The following HEPHL1 variants were observed in gnomAD, a reference collection of about 807,000 sequenced individuals.
The protein encoded by HEPHL1 is ferroxidase HEPHL1.
In HEPHL1, 123 loss-of-function variants were observed where a neutral mutation model predicts 122.0. The ratio of observed to expected loss-of-function variants is 1.01; its 90% CI spans 0.87 to 1.17. The LOEUF (loss-of-function observed/expected upper bound fraction) is 1.17, where lower values mean the gene tolerates loss of function less well. HEPHL1 is among the 50% of genes most tolerant of loss of function. The pLI is 0.00. For missense variants in HEPHL1, 1,452 were observed against 1,430.5 expected, an observed-to-expected ratio of 1.01 and a Z score of -0.24; for synonymous variants, 527 against 508.9, an observed-to-expected ratio of 1.04 and a Z score of -0.48.
chr11:94,098,054 C>G (rs1395985754), intron 13 of HEPHL1, among the ~76,000 whole-genome samples: 1 of 152,188 alleles, frequency 6.6e-6, no homozygotes, highest in Non-Finnish European at 1.5e-5. Context: ...TTGATCCTGT[C>G]ATTATGATGT....
chr11:94,112,020 C>T lies in HEPHL1; in HGVS notation c.*126C>T. On this transcript the variant is annotated 3_prime_UTR_variant, in exon 20 of 20. Coordinates refer to ENST00000315765, the MANE Select transcript of HEPHL1 (RefSeq NM_001098672.2). ...TGACACTGTATCCTGGATCAGCCTTCTGATCCTCTCAAACATCATCCAAAG... is the reference window on the plus strand; with the variant it reads ...TGACACTGTATCCTGGATCAGCCTTTTGATCCTCTCAAACATCATCCAAAG... 1 of 593,716 alleles carries T rather than the reference C, an allele frequency of 1.7e-6. No homozygotes were observed. Among genetic ancestry groups the T allele is most frequent in the Non-Finnish European group, 2.8e-6 (1 of 357,594 alleles). 36.8% of individuals were successfully genotyped at this position (593,716 alleles called of 1,614,324 possible).
chr11:94,072,918 A>G (rs1565354876), intron 6 of HEPHL1, 107 bp from the exon 7 acceptor site: 2 of 1,006,032 alleles, frequency 2.0e-6, no homozygotes, highest in Non-Finnish European at 3.0e-6. Context: ...TTTTCTGGGG[A>G]CATGGGTGGG....
chr11:94,110,011 G>C (rs1413742863), intron 17 of HEPHL1, among the ~76,000 whole-genome samples: 1 of 152,150 alleles, frequency 6.6e-6, no homozygotes, highest in Non-Finnish European at 1.5e-5. Flanking sequence ...AATAGATATA[G>C]TGCTATCCAG....
intron 12 of HEPHL1, 53 bp from the exon 13 acceptor site, chr11:94,093,448 C>G (rs1946278343): frequency 6.2e-7 from 1 of 1,606,476 alleles, no homozygotes. Flanking sequence ...TAGAAGCGCT[C>G]AAAGCTTTTC....
chr11:94,044,354 C>T (rs1031771270), intron 1 of HEPHL1, among the ~76,000 whole-genome samples: 1 of 152,190 alleles, frequency 6.6e-6, no homozygotes, highest in Non-Finnish European at 1.5e-5. Context: ...AACAGTGTCT[C>T]TGCCCCTCAA....
intron 13 of HEPHL1, among the ~76,000 whole-genome samples, chr11:94,098,020 A>C (rs1946333310): frequency 6.6e-6 from 1 of 152,136 alleles, no homozygotes; most frequent in Non-Finnish European, 1.5e-5. Flanking sequence ...TTTACATTTA[A>C]GGTTAATATT....
chr11:94,064,318 A>G lies in HEPHL1; in HGVS notation c.629-13A>G. 2 of 1,596,508 alleles carry G rather than the reference A, an allele frequency of 1.3e-6. No individual in the cohort carries two copies. The highest frequency in any genetic ancestry group is 1.7e-6 in the Non-Finnish European group (2 of 1,168,122). ...TAGTTCTTTCTCTCTACTCTTTTGA[A>G]TGTGCCTGACAGGTATCCTGAATAG... On this transcript the variant is annotated splice_polypyrimidine_tract_variant and intron_variant, in intron 3 of 19. Coordinates refer to ENST00000315765, the MANE Select transcript of HEPHL1 (RefSeq NM_001098672.2).
At chr11:94,026,405 A>G (rs1945625558) in intron 1 of HEPHL1, among the ~76,000 whole-genome samples, 1 of 152,292 alleles carries the variant, frequency 6.6e-6, no homozygotes, top group East Asian at 1.9e-4. Context: ...CTCTGACACT[A>G]AGAAAGAAGG....
intron 2 of HEPHL1, among the ~76,000 whole-genome samples, chr11:94,060,282 CAT>C (rs1565351742): frequency 6.6e-6 from 1 of 151,290 alleles, no homozygotes; most frequent in Admixed American, 6.6e-5. Flanking sequence ...CATATGCACA[CAT>C]GATATATATA....
At chr11:94,094,230 T>C (rs1394711197) in intron 13 of HEPHL1, among the ~76,000 whole-genome samples, 1 of 151,736 alleles carries the variant, frequency 6.6e-6, no homozygotes, top group Non-Finnish European at 1.5e-5. Flanking sequence ...TTTCCATCTA[T>C]GAGTGAGAAC....
At chr11:94,055,693 A>G in intron 2 of HEPHL1, 1 of 389,156 alleles carries the variant, frequency 2.6e-6, no homozygotes, top group Non-Finnish European at 5.0e-6. Context: ...CTGGAAGACA[A>G]TGCACTCTGT....
intron 2 of HEPHL1, among the ~76,000 whole-genome samples, chr11:94,057,147 A>C (rs1324871909): frequency 6.6e-6 from 1 of 152,046 alleles, no homozygotes; most frequent in Non-Finnish European, 1.5e-5. Flanking sequence ...CTTGTACGTG[A>C]TAGGTCATTT....
chr11:94,094,261 T>C (rs1279199543), intron 13 of HEPHL1, among the ~76,000 whole-genome samples: 2 of 151,884 alleles, frequency 1.3e-5, no homozygotes, highest in Non-Finnish European at 2.9e-5. Flanking sequence ...TGGTTTTTTG[T>C]CCTTGCGATA....
At chr11:94,037,973 A>G (rs1004616184) in intron 1 of HEPHL1, among the ~76,000 whole-genome samples, 16 of 149,102 alleles carry the variant, frequency 1.1e-4, no homozygotes, top group Middle Eastern at 3.5e-3. Flanking sequence ...AAACTTTGAA[A>G]AAAATTTAGA....
At chr11:94,071,222 A>G (rs987708958) in intron 6 of HEPHL1, among the ~76,000 whole-genome samples, 9 of 152,200 alleles carry the variant, frequency 5.9e-5, no homozygotes, top group African/African-American at 1.9e-4. Flanking sequence ...CTGTGAAGAT[A>G]CTAAAAAATG....
At chr11:94,031,331 T>TAC (rs3058474) in intron 1 of HEPHL1, among the ~76,000 whole-genome samples, 34,177 of 144,356 alleles carry the variant, frequency 0.24, 4,503 homozygotes, top group South Asian at 0.32. Context: ...TGTGCATTGT[T>TAC]ACACACACAC....
At chr11:94,074,538 T>G (rs927899658) in intron 8 of HEPHL1, among the ~76,000 whole-genome samples, 2 of 152,184 alleles carry the variant, frequency 1.3e-5, no homozygotes, top group South Asian at 4.1e-4. Context: ...GGCACCTTTT[T>G]GCAGAGCACT....
intron 13 of HEPHL1, among the ~76,000 whole-genome samples, chr11:94,094,013 T>TATATATATATATAA (rs1485344204): frequency 9.9e-5 from 12 of 121,702 alleles, no homozygotes; most frequent in East Asian, 8.0e-4. Flanking sequence ...TATATATATA[T>TATATATATATATAA]AAAACTTTAA....
At chr11:94,024,795 C>T (rs1345728300) in intron 1 of HEPHL1, among the ~76,000 whole-genome samples, 1 of 152,150 alleles carries the variant, frequency 6.6e-6, no homozygotes, top group South Asian at 2.1e-4. Context: ...AGTAAAACAC[C>T]CTGATGATAG....
Sources: allele counts gnomAD v4.1 joint callset (sites outside exome capture counted in the v4.1 genomes callset), GRCh38; gene constraint gnomAD v4.1.1; transcripts MANE v1.5; gene names NCBI Gene and HGNC (gene_info 2026-07-23, HGNC 2026-07-21).